TMEM117: variants seen among roughly 807,000 people sequenced by gnomAD.
The protein encoded by TMEM117 is transmembrane protein 117.
In TMEM117, 27 loss-of-function variants were observed where a neutral mutation model predicts 52.4. The observed-to-expected ratio is 0.51, with a 90% CI of 0.38 to 0.71. The LOEUF is 0.71. TMEM117 is among the 30% of genes least tolerant of loss of function. The pLI is 0.00. For synonymous variants in TMEM117, 215 were observed against 206.3 expected (o/e 1.04, Z -0.36); for missense variants, 556 against 630.5 (o/e 0.88, Z 1.26).
chr12:44,108,080 A>T (rs539155004), intron 3 of TMEM117, among the ~76,000 whole-genome samples: 1 of 152,258 alleles, frequency 6.6e-6, no homozygotes, highest in South Asian at 2.1e-4. Flanking sequence ...AGTTTAGACT[A>T]TACTTCCACA....
chr12:43,863,576 C>A (rs1259963095), intron 2 of TMEM117, among the ~76,000 whole-genome samples: 1 of 152,180 alleles, frequency 6.6e-6, no homozygotes, highest in Non-Finnish European at 1.5e-5. Flanking sequence ...AGTAATAGAG[C>A]AAATCTTAGA....
intron 5 of TMEM117, among the ~76,000 whole-genome samples, chr12:44,275,721 C>T (rs1950503621): frequency 6.6e-6 from 1 of 151,634 alleles, no homozygotes; most frequent in Non-Finnish European, 1.5e-5. Flanking sequence ...CGCATGTTTT[C>T]ACTTATTTTT....
In TMEM117 at chr12:44,144,729, T is replaced by G. The variant is rs1351488131; in HGVS notation, c.510+1105T>G. ...CACCTACCTCTGTTGATTTTTAGAA[T>G]GTTAACAGATTACTGTATGGATTCT... On this transcript the variant is annotated intron_variant, in intron 4 of 7. Transcript: ENST00000266534. Among the ~76,000 whole-genome samples the G allele has an allele frequency of 2.0e-5, 3 of 152,264 alleles. No individual in the cohort carries two copies. In the East Asian group the frequency reaches 5.8e-4, roughly 29 times the overall value.
chr12:44,200,146 A>G (rs1381115960), intron 4 of TMEM117, among the ~76,000 whole-genome samples: 15 of 152,128 alleles, frequency 9.9e-5, no homozygotes, highest in Admixed American at 9.8e-4. Context: ...ACAAACAAAC[A>G]AAAAACAAAA....
intron 7 of TMEM117, among the ~76,000 whole-genome samples, chr12:44,386,223 G>A (rs537834393): frequency 6.6e-6 from 1 of 152,236 alleles, no homozygotes; most frequent in Non-Finnish European, 1.5e-5. Context: ...CTGAAAGGCA[G>A]AGACATATGT....
At chr12:44,175,171 CAA>C (rs755988831) in intron 4 of TMEM117, among the ~76,000 whole-genome samples, 5 of 152,040 alleles carry the variant, frequency 3.3e-5, no homozygotes, top group Non-Finnish European at 7.4e-5. Flanking sequence ...TTTTTGAGGA[CAA>C]AGAGTTGCTG....
At chr12:43,885,936 A>G (rs1297459143) in intron 2 of TMEM117, among the ~76,000 whole-genome samples, 5 of 152,232 alleles carry the variant, frequency 3.3e-5, no homozygotes, top group Non-Finnish European at 7.3e-5. Flanking sequence ...TTTACTATGA[A>G]ACAGTATGTT....
chr12:44,236,850 T>A lies in TMEM117; in HGVS notation c.608+25463T>A, dbSNP rs559969742. On this transcript the variant is annotated intron_variant, in intron 5 of 7. Coordinates refer to ENST00000266534, the MANE Select transcript of TMEM117 (RefSeq NM_032256.3). ...CCAGAATGAAGTAATAAAGCTGGGA[T>A]GGGAGTTCACGCAAGGGCCACTTTA... 9.2e-5 allele frequency among the ~76,000 whole-genome samples: 14 copies of A among 152,200 alleles called. No individual in the cohort carries two copies. The South Asian group carries it at 2.9e-3, about 32-fold the overall frequency.
At chr12:44,362,247 G>A (rs1951730957) in intron 6 of TMEM117, among the ~76,000 whole-genome samples, 1 of 151,946 alleles carries the variant, frequency 6.6e-6, no homozygotes, top group African/African-American at 2.4e-5. Flanking sequence ...TTTGGTCCTG[G>A]TTGCAACCAT....
intron 3 of TMEM117, among the ~76,000 whole-genome samples, chr12:44,120,322 C>G (rs1323895121): frequency 6.6e-6 from 1 of 152,142 alleles, no homozygotes; most frequent in Non-Finnish European, 1.5e-5. Flanking sequence ...ATTATCAAAG[C>G]AATGTTAATT....
rs201223144 is a variant in TMEM117, at chr12:44,388,705, G to A, written c.*33G>A. The A allele has an allele frequency of 1.3e-6, 2 of 1,593,886 alleles. No homozygotes were observed. Among genetic ancestry groups the A allele is most frequent in the Non-Finnish European group, 1.7e-6 (2 of 1,170,956 alleles). On this transcript the variant is annotated 3_prime_UTR_variant, in exon 8 of 8. Transcript: ENST00000266534. The stretch of plus-strand genomic sequence containing the variant: ...GATAGACTTGGAGATAACACAAAAA[G>A]CAACCTTGAGTGTAACTTTAAAAAT...
chr12:44,311,777 G>A lies in TMEM117; in HGVS notation c.768+12038G>A, dbSNP rs1331270180. Among the ~76,000 whole-genome samples the A allele has an allele frequency of 1.5e-4, 16 of 107,600 alleles. 2 individuals carry two copies. Among genetic ancestry groups the A allele is most frequent in the East Asian group, 7.3e-4 (3 of 4,106 alleles). The allele number at this position is 107,600 out of a possible 152,430, so 70.6% of individuals were successfully genotyped here. On this transcript the variant is annotated intron_variant, in intron 6 of 7. Coordinates refer to ENST00000266534, the MANE Select transcript of TMEM117 (RefSeq NM_032256.3). ...TATATGTATATATATATGTATATAT[G>A]TGTATATATGTATATATATGTATAT...
intron 4 of TMEM117, among the ~76,000 whole-genome samples, chr12:44,151,992 TTA>T (rs1948736030): frequency 9.5e-6 from 1 of 105,248 alleles, no homozygotes; most frequent in African/African-American, 5.8e-5. Flanking sequence ...TATATAAACA[TTA>T]TTATAAATAT....
At chr12:43,823,517 A>C in the TMEM117 span, among the ~76,000 whole-genome samples, 21 of 152,036 alleles carry the variant, frequency 1.4e-4, no homozygotes, top group East Asian at 3.9e-4. Context: ...TTCTTTATTT[A>C]TTTATTTTTT....
At chr12:43,998,784 A>T (rs1048580318) in intron 3 of TMEM117, among the ~76,000 whole-genome samples, 2 of 152,226 alleles carry the variant, frequency 1.3e-5, no homozygotes, top group African/African-American at 4.8e-5. Context: ...GTGAAACAGC[A>T]AGCCAGGAAG....
At chr12:43,996,955 A>G (rs1946041718) in intron 3 of TMEM117, among the ~76,000 whole-genome samples, 1 of 152,214 alleles carries the variant, frequency 6.6e-6, no homozygotes. Context: ...TAGAGAGCAG[A>G]TACAAGAGTC....
intron 2 of TMEM117, among the ~76,000 whole-genome samples, chr12:43,877,890 A>C (rs867064765): frequency 7.0e-6 from 1 of 142,998 alleles, no homozygotes; most frequent in African/African-American, 2.6e-5. Context: ...GTAAAAACAA[A>C]ACACACACAC....
At chr12:43,852,790 C>G (rs956405546) in intron 2 of TMEM117, among the ~76,000 whole-genome samples, 4 of 152,096 alleles carry the variant, frequency 2.6e-5, no homozygotes, top group Non-Finnish European at 5.9e-5. Flanking sequence ...TATTATTTAC[C>G]TTCTCTCTTT....
At chr12:43,989,721 A>G (rs180758392) in intron 3 of TMEM117, among the ~76,000 whole-genome samples, 1 of 152,230 alleles carries the variant, frequency 6.6e-6, no homozygotes, top group Admixed American at 6.5e-5. Context: ...TCCTAGATCC[A>G]TAAAATCTGT....
Sources: allele counts gnomAD v4.1 joint callset (sites outside exome capture counted in the v4.1 genomes callset), GRCh38; gene constraint gnomAD v4.1.1; transcripts MANE v1.5; gene names NCBI Gene and HGNC (gene_info 2026-07-23, HGNC 2026-07-21).